RAPGEF6: variants seen among roughly 807,000 people sequenced by gnomAD.
The protein encoded by RAPGEF6 is Rap guanine nucleotide exchange factor 6.
Under a neutral mutation model 171.4 loss-of-function variants are expected in RAPGEF6, and 56 were observed. The observed-to-expected ratio is 0.33, with a 90% CI of 0.26 to 0.41. The LOEUF (loss-of-function observed/expected upper bound fraction) is 0.41. RAPGEF6 is among the 10% of genes least tolerant of loss of function. The probability of loss-of-function intolerance (pLI) is 1.00; values close to 1 mark genes in which losing one functional copy is unlikely to be tolerated. For synonymous variants in RAPGEF6, 692 were observed against 650.1 expected, an observed-to-expected ratio of 1.06 and a Z score of -0.98; for missense variants, 1,674 against 1,921.4, an observed-to-expected ratio of 0.87 and a Z score of 2.41.
At chr5:131,549,717 T>C (rs1360214264) in intron 5 of RAPGEF6, among the ~76,000 whole-genome samples, 2 of 151,894 alleles carry the variant, frequency 1.3e-5, no homozygotes, top group Non-Finnish European at 2.9e-5. Context: ...GGTCTCTCTC[T>C]TTTTTTTAAC....
intron 1 of RAPGEF6, among the ~76,000 whole-genome samples, chr5:131,622,671 A>G (rs1305475733): frequency 6.6e-6 from 1 of 152,226 alleles, no homozygotes; most frequent in African/African-American, 2.4e-5. Context: ...GGGCCTGGAA[A>G]AGATGTTCAT....
intron 4 of RAPGEF6, among the ~76,000 whole-genome samples, chr5:131,588,297 A>G (rs1429648797): frequency 6.6e-6 from 1 of 152,228 alleles, no homozygotes; most frequent in Non-Finnish European, 1.5e-5. Context: ...AAAAGAGGTT[A>G]GTCTACTGGC....
chr5:131,611,255 T>C (rs763776384), intron 1 of RAPGEF6, among the ~76,000 whole-genome samples: 31 of 152,276 alleles, frequency 2.0e-4, no homozygotes, highest in Non-Finnish European at 3.8e-4. Flanking sequence ...AATATTGTTG[T>C]GACAACTGCT....
At chr5:131,554,281 G>C (rs1290004967) in intron 5 of RAPGEF6, among the ~76,000 whole-genome samples, 1 of 152,124 alleles carries the variant, frequency 6.6e-6, no homozygotes, top group African/African-American at 2.4e-5. Context: ...CTTAACAGAA[G>C]ATCTTCAGGA....
At chr5:131,507,798 T>C (rs1757464326) in intron 9 of RAPGEF6, among the ~76,000 whole-genome samples, 1 of 152,190 alleles carries the variant, frequency 6.6e-6, no homozygotes, top group African/African-American at 2.4e-5. Context: ...TTTAATGTAA[T>C]CTGAGAAGTA....
At chr5:131,451,484 G>A (rs1753068904) in intron 21 of RAPGEF6, among the ~76,000 whole-genome samples, 1 of 152,006 alleles carries the variant, frequency 6.6e-6, no homozygotes, top group South Asian at 2.1e-4. Flanking sequence ...AGTTACTTGG[G>A]AGGCTGAGGT....
intron 19 of RAPGEF6, among the ~76,000 whole-genome samples, chr5:131,459,273 ATTTC>A (rs979544685): frequency 1.3e-5 from 2 of 152,206 alleles, no homozygotes; most frequent in African/African-American, 4.8e-5. Flanking sequence ...AGAAAGATAT[ATTTC>A]TTTATCTCAC....
intron 26 of RAPGEF6, among the ~76,000 whole-genome samples, chr5:131,430,405 G>A (rs924683989): frequency 6.6e-6 from 1 of 152,088 alleles, no homozygotes. Context: ...AGAGTATACT[G>A]AAAAATGTTC....
At chr5:131,527,302 A>G (rs143781146) in intron 6 of RAPGEF6, among the ~76,000 whole-genome samples, 254 of 149,714 alleles carry the variant, frequency 1.7e-3, no homozygotes, top group African/African-American at 6.3e-3. Context: ...AACAACAACA[A>G]CAAAAAAAAA....
chr5:131,533,285 T>C (rs1420706951), intron 6 of RAPGEF6, among the ~76,000 whole-genome samples: 4 of 151,992 alleles, frequency 2.6e-5, no homozygotes, highest in Non-Finnish European at 4.4e-5. Context: ...GAGCACCCTT[T>C]CTACTTCACA....
chr5:131,572,549 T>G (rs1451841040), intron 4 of RAPGEF6, among the ~76,000 whole-genome samples: 2 of 152,154 alleles, frequency 1.3e-5, no homozygotes, highest in Non-Finnish European at 2.9e-5. Context: ...CCACATTCCC[T>G]TGGTGGCAGG....
At chr5:131,552,811 T>C (rs1008360405) in intron 5 of RAPGEF6, among the ~76,000 whole-genome samples, 1 of 151,884 alleles carries the variant, frequency 6.6e-6, no homozygotes, top group Non-Finnish European at 1.5e-5. Flanking sequence ...GTACCTAAAG[T>C]TCCAAGACAT....
chr5:131,504,510 A>T, intron 11 of RAPGEF6, 116 bp downstream of exon 11: 1 of 1,088,222 alleles, frequency 9.2e-7, no homozygotes, highest in Non-Finnish European at 1.3e-6. Flanking sequence ...CATTTAAGTT[A>T]GATGCCAAAG....
chr5:131,541,773 T>C (rs907536479), intron 6 of RAPGEF6, among the ~76,000 whole-genome samples: 1 of 152,240 alleles, frequency 6.6e-6, no homozygotes, highest in African/African-American at 2.4e-5. Context: ...GTATTCATTA[T>C]GAAATATACA....
chr5:131,517,925 C>T (rs989346106), intron 7 of RAPGEF6, among the ~76,000 whole-genome samples: 9 of 151,284 alleles, frequency 5.9e-5, no homozygotes, highest in African/African-American at 1.7e-4. Flanking sequence ...GTGTTTATTC[C>T]TTTTACTCTC....
intron 14 of RAPGEF6, 55 bp downstream of exon 14, chr5:131,492,527 G>A (rs1170303039): frequency 4.6e-6 from 7 of 1,524,490 alleles, no homozygotes; most frequent in Middle Eastern, 3.4e-4. Flanking sequence ...AACAAAAGCA[G>A]CAGGCATAAT....
At chr5:131,538,858 C>G (rs1243606652) in intron 6 of RAPGEF6, among the ~76,000 whole-genome samples, 1 of 152,150 alleles carries the variant, frequency 6.6e-6, no homozygotes, top group Non-Finnish European at 1.5e-5. Context: ...TGCTTTTTGT[C>G]TATTTGTGGA....
At position 131,544,565 on chromosome 5, in the gene RAPGEF6, T is replaced by C. The variant is rs555572232; in HGVS notation, c.495+3482A>G. On this transcript the variant is annotated intron_variant, in intron 6 of 27. Transcript: ENST00000509018. ...AGGATGGGTATTTAGAAAAGATGAA[T>C]TACAATGGGAGACGACAAAACTTTA... 3.9e-5 allele frequency among the ~76,000 whole-genome samples: 6 copies of C among 152,180 alleles called. No homozygotes were observed. The South Asian group carries it at 8.3e-4, about 21-fold the overall frequency.
At chr5:131,491,346 TCA>T (rs1296677426) in intron 14 of RAPGEF6, among the ~76,000 whole-genome samples, 1 of 152,158 alleles carries the variant, frequency 6.6e-6, no homozygotes, top group East Asian at 1.9e-4. Context: ...GTAGAACCTT[TCA>T]TAATATGAAT....
Sources: gnomAD v4.1 joint callset for allele counts (sites outside exome capture counted in the v4.1 genomes callset) on GRCh38, gnomAD v4.1.1 for gene constraint, MANE v1.5 for transcripts, NCBI Gene and HGNC (gene_info 2026-07-23, HGNC 2026-07-21) for gene names.